NBEA: variants seen among roughly 807,000 people sequenced by gnomAD.
The protein encoded by NBEA is neurobeachin.
In NBEA, 44 loss-of-function variants were observed where a neutral mutation model predicts 343.4. The ratio of observed to expected loss-of-function variants is 0.13; its 90% CI spans 0.10 to 0.16. The LOEUF is 0.16. NBEA is among the 10% of genes least tolerant of loss of function. NBEA has a pLI of 1.00. For missense variants in NBEA, 2,555 were observed against 3,631.3 expected (o/e 0.70, Z 7.62); for synonymous variants, 1,175 against 1,238.7 (o/e 0.95, Z 1.08).
chr13:35,172,003 A>G (rs753178342), intron 26 of NBEA, among the ~76,000 whole-genome samples: 2 of 152,048 alleles, frequency 1.3e-5, no homozygotes, highest in Non-Finnish European at 2.9e-5. Flanking sequence ...AATTCTTTAG[A>G]TAAGAACCAT....
At chr13:35,152,098 G>A (rs1380065689) in intron 18 of NBEA, among the ~76,000 whole-genome samples, 1 of 152,082 alleles carries the variant, frequency 6.6e-6, no homozygotes, top group Non-Finnish European at 1.5e-5. Context: ...AGTTAAACAT[G>A]TAGTGGTGAC....
At chr13:35,145,013 T>C (rs2068329804) in intron 18 of NBEA, among the ~76,000 whole-genome samples, 1 of 152,160 alleles carries the variant, frequency 6.6e-6, no homozygotes, top group Non-Finnish European at 1.5e-5. Flanking sequence ...TATATTGAAA[T>C]TATGTAGCCA....
chr13:35,464,939 T>C (rs2047090058), intron 40 of NBEA, among the ~76,000 whole-genome samples: 1 of 152,164 alleles, frequency 6.6e-6, no homozygotes, highest in Non-Finnish European at 1.5e-5. Flanking sequence ...GAATGCTGAA[T>C]TAAATATGTC....
At chr13:35,562,793 A>T (rs2079923248) in intron 44 of NBEA, among the ~76,000 whole-genome samples, 1 of 152,034 alleles carries the variant, frequency 6.6e-6, no homozygotes, top group East Asian at 1.9e-4. Context: ...GCTCTTAAAG[A>T]GTGTTAATCC....
intron 39 of NBEA, among the ~76,000 whole-genome samples, chr13:35,444,219 T>C (rs1226836365): frequency 6.6e-6 from 1 of 151,974 alleles, no homozygotes; most frequent in Non-Finnish European, 1.5e-5. Flanking sequence ...ATACATATTA[T>C]TGCACAAGAT....
intron 1 of NBEA, among the ~76,000 whole-genome samples, chr13:34,956,893 C>T (rs921061435): frequency 2.6e-5 from 4 of 152,070 alleles, no homozygotes; most frequent in African/African-American, 9.7e-5. Context: ...TCGGGTGATC[C>T]GCCCACCTCG....
rs550934630 is a variant in NBEA at position 35,525,785 on chromosome 13, C to T, written c.6586-24692C>T. Among the ~76,000 whole-genome samples the T allele has an allele frequency of 7.9e-5, 12 of 152,190 alleles. No individual in the cohort carries two copies. In the South Asian group the frequency reaches 2.3e-3, roughly 29 times the overall value. ...GAAGTCTAAGAACAAGGCACCAGCACTTTTGGTGTCTGGTGGAGGCTCTCT... is the reference window on the plus strand; with the variant it reads ...GAAGTCTAAGAACAAGGCACCAGCATTTTTGGTGTCTGGTGGAGGCTCTCT... On this transcript the variant is annotated intron_variant, in intron 41 of 58. Coordinates refer to ENST00000379939, the MANE Select transcript of NBEA (RefSeq NM_001385012.1).
intron 39 of NBEA, among the ~76,000 whole-genome samples, chr13:35,443,854 T>TA (rs979230736): frequency 2.6e-5 from 4 of 151,892 alleles, no homozygotes; most frequent in Non-Finnish European, 4.4e-5. Context: ...TTCTCCTTTT[T>TA]AAAAAAATGC....
chr13:35,640,830 C>G (rs1019025075), intron 49 of NBEA, among the ~76,000 whole-genome samples: 2 of 151,956 alleles, frequency 1.3e-5, no homozygotes, highest in African/African-American at 2.4e-5. Flanking sequence ...TTGTGCATAA[C>G]TCACTTCACA....
At chr13:35,575,821 A>G (rs1223209316) in intron 45 of NBEA, among the ~76,000 whole-genome samples, 1 of 152,126 alleles carries the variant, frequency 6.6e-6, no homozygotes, top group Admixed American at 6.6e-5. Context: ...CACACAGTAC[A>G]TCTGATTCTT....
At chr13:35,232,857 T>G (rs1199515631) in intron 34 of NBEA, among the ~76,000 whole-genome samples, 2 of 152,064 alleles carry the variant, frequency 1.3e-5, no homozygotes, top group Non-Finnish European at 2.9e-5. Context: ...GGTGTCAGAA[T>G]GGGAGGCTTT....
At chr13:35,060,839 T>G (rs1396105630) in intron 8 of NBEA, among the ~76,000 whole-genome samples, 4 of 151,708 alleles carry the variant, frequency 2.6e-5, no homozygotes, top group Non-Finnish European at 5.9e-5. Context: ...AAAGTCACTT[T>G]CTGTGAGTGA....
intron 2 of NBEA, among the ~76,000 whole-genome samples, chr13:35,044,516 A>G (rs1321820967): frequency 5.3e-5 from 8 of 151,618 alleles, no homozygotes; most frequent in Admixed American, 4.0e-4. Context: ...TTACTTTTTC[A>G]TTTGACAATA....
At chr13:35,569,363 A>G (rs1256801346) in intron 45 of NBEA, among the ~76,000 whole-genome samples, 2 of 152,214 alleles carry the variant, frequency 1.3e-5, no homozygotes, top group African/African-American at 4.8e-5. Flanking sequence ...CTTAGACATT[A>G]TAAAATATAT....
chr13:35,400,309 A>C (rs1396168580), intron 38 of NBEA, among the ~76,000 whole-genome samples: 1 of 151,090 alleles, frequency 6.6e-6, no homozygotes, highest in South Asian at 2.1e-4. Context: ...TATATGATTT[A>C]TTGAGCCTCC....
chr13:35,544,457 A>C (rs563291567), intron 41 of NBEA, among the ~76,000 whole-genome samples: 1 of 152,334 alleles, frequency 6.6e-6, no homozygotes, highest in South Asian at 2.1e-4. Flanking sequence ...AGTCATTTAC[A>C]TGTTTCTGAC....
At chr13:35,543,167 G>A (rs909467282) in intron 41 of NBEA, among the ~76,000 whole-genome samples, 7 of 152,126 alleles carry the variant, frequency 4.6e-5, no homozygotes, top group African/African-American at 1.7e-4. Flanking sequence ...AAATAATTAA[G>A]CATAAAAAAT....
intron 13 of NBEA, among the ~76,000 whole-genome samples, chr13:35,113,153 TA>T (rs1566304762): frequency 6.6e-6 from 1 of 152,162 alleles, no homozygotes; most frequent in African/African-American, 2.4e-5. Context: ...ACAGACCAGT[TA>T]TTTTTTTGAA....
intron 20 of NBEA, 87 bp downstream of exon 20, chr13:35,156,293 C>A (rs1242750632): frequency 1.5e-6 from 2 of 1,305,320 alleles, no homozygotes; most frequent in Non-Finnish European, 2.0e-6. Flanking sequence ...CAAATCTTTT[C>A]CATATTGCTA....
Sources: gnomAD v4.1 joint callset for allele counts (sites outside exome capture counted in the v4.1 genomes callset) on GRCh38, gnomAD v4.1.1 for gene constraint, MANE v1.5 for transcripts, NCBI Gene and HGNC (gene_info 2026-07-23, HGNC 2026-07-21) for gene names.